SPEF2: variants seen among roughly 807,000 people sequenced by gnomAD.
The protein encoded by SPEF2 is sperm flagella and cilia-associated protein 2.
A neutral mutation model predicts 224.6 loss-of-function variants in SPEF2; 187 were observed. The observed-to-expected ratio is 0.83, with a 90% CI of 0.74 to 0.94. The LOEUF is 0.94. Ranked by LOEUF, SPEF2 falls within the 40% of genes least tolerant of loss-of-function variation. The pLI is 0.00. For missense variants in SPEF2, 2,170 were observed against 2,135.6 expected (o/e 1.02, Z -0.32); for synonymous variants, 715 against 707.3 (o/e 1.01, Z -0.17).
At chr5:35,658,579 C>G (rs761219351) in intron 7 of SPEF2, among the ~76,000 whole-genome samples, 21 of 150,244 alleles carry the variant, frequency 1.4e-4, no homozygotes, top group Non-Finnish European at 2.7e-4. Flanking sequence ...AGAGTTATAG[C>G]ACTTATTTTT....
At chr5:35,759,005 C>CAAAAAAAAAAA (rs57893412) in intron 24 of SPEF2, among the ~76,000 whole-genome samples, 9 of 51,322 alleles carry the variant, frequency 1.8e-4, no homozygotes, top group Admixed American at 3.5e-4. Flanking sequence ...GACTCTGTCT[C>CAAAAAAAAAAA]AAAAAAAAAA....
At chr5:35,800,291 A>T in intron 34 of SPEF2, 144 bp downstream of exon 34, 1 of 853,042 alleles carries the variant, frequency 1.2e-6, no homozygotes, top group East Asian at 2.8e-5. Context: ...TAGGTCTTCA[A>T]CAAAGCCTTA....
At chr5:35,632,523 G>A (rs1434681612) in intron 2 of SPEF2, among the ~76,000 whole-genome samples, 1 of 152,174 alleles carries the variant, frequency 6.6e-6, no homozygotes. Flanking sequence ...AGTTCAAGAT[G>A]AGATTTGGGT....
In SPEF2 at chr5:35,705,987, AT is replaced by A. The variant is rs33975419; in HGVS notation, c.2665+185del. On this transcript the variant is annotated intron_variant, in intron 18 of 36. Coordinates refer to ENST00000356031, the MANE Select transcript of SPEF2 (RefSeq NM_024867.4). ...TGTTGTATATGTTTCCGAATAAAAG[AT>A]TTTTTCTCTCTCTTATTTTAATCAA... Among the ~76,000 whole-genome samples the A allele has an allele frequency of 0.66, 99,783 of 150,930 alleles. 33,406 individuals are homozygous for A. Among genetic ancestry groups the A allele is most frequent in the African/African-American group, 0.77 (31,959 of 41,312 alleles).
chr5:35,690,932 CT>C, intron 10 of SPEF2, 104 bp from the exon 11 acceptor site: 1 of 802,786 alleles, frequency 1.2e-6, no homozygotes, highest in South Asian at 2.1e-5. Flanking sequence ...TATTCATTGG[CT>C]TTTGTTGGCT....
intron 25 of SPEF2, 134 bp downstream of exon 25, chr5:35,759,853 C>G (rs1750979827): frequency 2.5e-5 from 21 of 842,778 alleles, no homozygotes; most frequent in Non-Finnish European, 3.3e-5. Flanking sequence ...AATAACCAAA[C>G]ATGTTTTTTT....
At chr5:35,764,090 T>C (rs4869618) in intron 26 of SPEF2, among the ~76,000 whole-genome samples, 41,579 of 151,998 alleles carry the variant, frequency 0.27, 5,855 homozygotes, top group African/African-American at 0.33. Context: ...CATGGCCAGA[T>C]TTTCCAATTT....
intron 18 of SPEF2, among the ~76,000 whole-genome samples, chr5:35,706,739 A>G (rs1416834526): frequency 1.3e-5 from 2 of 152,112 alleles, no homozygotes; most frequent in Non-Finnish European, 2.9e-5. Flanking sequence ...AACCACAATC[A>G]CCATGGAAAT....
intron 19 of SPEF2, chr5:35,710,632 T>A: frequency 1.0e-6 from 1 of 985,136 alleles, no homozygotes. Flanking sequence ...TTATCGAATA[T>A]CGTCCTTTAA....
chr5:35,781,966 C>T (rs543163822), intron 30 of SPEF2, among the ~76,000 whole-genome samples: 1 of 152,230 alleles, frequency 6.6e-6, no homozygotes, highest in Admixed American at 6.5e-5. Flanking sequence ...TGAAATCAGG[C>T]TCCAAACATT....
intron 8 of SPEF2, among the ~76,000 whole-genome samples, chr5:35,663,717 A>T (rs1750041798): frequency 1.3e-5 from 2 of 152,112 alleles, no homozygotes; most frequent in African/African-American, 4.8e-5. Context: ...AGAATATAAC[A>T]TTATTTATTT....
chr5:35,740,552 T>C (rs1747438059), intron 23 of SPEF2, among the ~76,000 whole-genome samples: 2 of 152,148 alleles, frequency 1.3e-5, no homozygotes. Flanking sequence ...TCTTTGTGGG[T>C]CAATGTAACT....
intron 28 of SPEF2, 131 bp downstream of exon 28, chr5:35,774,152 C>G: frequency 8.0e-7 from 1 of 1,249,984 alleles, no homozygotes; most frequent in East Asian, 2.5e-5. Flanking sequence ...TTGAAAAGCA[C>G]AATATTCAGT....
chr5:35,752,414 G>C (rs1749805376), intron 23 of SPEF2, among the ~76,000 whole-genome samples: 1 of 151,990 alleles, frequency 6.6e-6, no homozygotes, highest in Non-Finnish European at 1.5e-5. Flanking sequence ...TTAGCCTCCT[G>C]AGTAGCTGGG....
intron 33 of SPEF2, among the ~76,000 whole-genome samples, chr5:35,797,291 T>C (rs1299726400): frequency 6.7e-6 from 1 of 148,848 alleles, no homozygotes; most frequent in African/African-American, 2.5e-5. Context: ...GCAAAACATG[T>C]TGTTATGGAA....
chr5:35,648,713 T>C (rs1747757503), intron 5 of SPEF2, among the ~76,000 whole-genome samples: 1 of 152,068 alleles, frequency 6.6e-6, no homozygotes, highest in African/African-American at 2.4e-5. Flanking sequence ...GTAAATAAAG[T>C]TGCATGAGGA....
chr5:35,771,517 G>C, intron 26 of SPEF2, 92 bp from the exon 27 acceptor site: 1 of 1,470,466 alleles, frequency 6.8e-7, no homozygotes, highest in African/African-American at 1.4e-5. Flanking sequence ...AGTGGATTAA[G>C]GTTTCAACAG....
At chr5:35,619,214 C>G (rs541167511) in intron 1 of SPEF2, among the ~76,000 whole-genome samples, 1 of 152,274 alleles carries the variant, frequency 6.6e-6, no homozygotes, top group Non-Finnish European at 1.5e-5. Flanking sequence ...GTGTCTCCAA[C>G]TGTTTATTTG....
At chr5:35,750,099 G>A (rs2149715398) in intron 23 of SPEF2, among the ~76,000 whole-genome samples, 1 of 152,224 alleles carries the variant, frequency 6.6e-6, no homozygotes, top group East Asian at 1.9e-4. Context: ...AACATAAGTT[G>A]GGGAAAGGAC....
Sources: gnomAD v4.1 joint callset for allele counts (sites outside exome capture counted in the v4.1 genomes callset) on GRCh38, gnomAD v4.1.1 for gene constraint, MANE v1.5 for transcripts, NCBI Gene and HGNC (gene_info 2026-07-23, HGNC 2026-07-21) for gene names.